DLG2: variants seen among roughly 807,000 people sequenced by gnomAD.
The protein encoded by DLG2 is discs large MAGUK scaffold protein 2.
In DLG2, 45 loss-of-function variants were observed where a neutral mutation model predicts 132.5. That is an observed-to-expected ratio of 0.34 (90% CI 0.27 to 0.44). DLG2 has a LOEUF of 0.44. Among genes scored for constraint, DLG2 ranks in the 20% least tolerant of loss-of-function variants. The pLI is 1.00. For missense variants in DLG2, 1,045 were observed against 1,196.9 expected (o/e 0.87, Z 1.87); for synonymous variants, 424 against 419.6 (o/e 1.01, Z -0.13).
chr11:85,050,456 C>G (rs557791683), intron 6 of DLG2, among the ~76,000 whole-genome samples: 1 of 152,220 alleles, frequency 6.6e-6, no homozygotes, highest in African/African-American at 2.4e-5. Flanking sequence ...AATATCACCT[C>G]CAGCTTGAAG....
chr11:85,052,202 A>G (rs2062969754), intron 6 of DLG2, among the ~76,000 whole-genome samples: 1 of 152,172 alleles, frequency 6.6e-6, no homozygotes, highest in Non-Finnish European at 1.5e-5. Flanking sequence ...GAAGGTTCCT[A>G]GGTGACAAAA....
intron 4 of DLG2, among the ~76,000 whole-genome samples, chr11:85,238,221 A>G (rs1159397472): frequency 7.3e-6 from 1 of 136,598 alleles, no homozygotes; most frequent in African/African-American, 2.8e-5. Flanking sequence ...TTATTTATTT[A>G]TTTATTTATT....
chr11:85,069,869 C>T (rs2065533185), intron 6 of DLG2, among the ~76,000 whole-genome samples: 1 of 152,058 alleles, frequency 6.6e-6, no homozygotes, highest in African/African-American at 2.4e-5. Context: ...TTTATTGTGG[C>T]ACTATTCACA....
At chr11:83,561,883 C>CTTTTTTTTTTTT (rs66514406) in intron 19 of DLG2, among the ~76,000 whole-genome samples, 1 of 87,966 alleles carries the variant, frequency 1.1e-5, no homozygotes, top group African/African-American at 4.6e-5. Context: ...GTATTTCTTT[C>CTTTTTTTTTTTT]TTTTTTTTTT....
chr11:83,568,450 A>G (rs2096744797), intron 19 of DLG2, among the ~76,000 whole-genome samples: 1 of 152,156 alleles, frequency 6.6e-6, no homozygotes, highest in South Asian at 2.1e-4. Context: ...GGAGCTCAGG[A>G]GAGAGATTTG....
At chr11:84,998,363 A>T (rs771787546) in intron 6 of DLG2, among the ~76,000 whole-genome samples, 6 of 152,066 alleles carry the variant, frequency 3.9e-5, no homozygotes, top group Non-Finnish European at 8.8e-5. Context: ...ATTTGCATTC[A>T]TTCTCTCTCC....
chr11:85,431,042 T>C (rs986196590), intron 3 of DLG2, among the ~76,000 whole-genome samples: 3 of 151,150 alleles, frequency 2.0e-5, no homozygotes, highest in Admixed American at 6.6e-5. Context: ...AATTTTTTAG[T>C]TTTTTTTATT....
chr11:84,703,338 G>A (rs1029334458), intron 6 of DLG2, among the ~76,000 whole-genome samples: 5 of 151,664 alleles, frequency 3.3e-5, no homozygotes, highest in Middle Eastern at 3.4e-3. Context: ...AGAAAACCCT[G>A]AGACCCTGAC....
At chr11:84,906,940 G>A (rs2091584254) in intron 6 of DLG2, among the ~76,000 whole-genome samples, 1 of 152,110 alleles carries the variant, frequency 6.6e-6, no homozygotes, top group South Asian at 2.1e-4. Flanking sequence ...TCAATTTTCT[G>A]GGGAAATGGA....
At chr11:83,775,876 A>G (rs1367867698) in intron 18 of DLG2, among the ~76,000 whole-genome samples, 2 of 152,156 alleles carry the variant, frequency 1.3e-5, no homozygotes, top group African/African-American at 2.4e-5. Flanking sequence ...GCGGATCACA[A>G]GATCAGGAGA....
chr11:83,549,198 T>A (rs2096319036), intron 19 of DLG2, among the ~76,000 whole-genome samples: 1 of 152,106 alleles, frequency 6.6e-6, no homozygotes, highest in Non-Finnish European at 1.5e-5. Flanking sequence ...TAAAGTCTGC[T>A]CTCTGCTCCA....
intron 10 of DLG2, among the ~76,000 whole-genome samples, chr11:84,097,238 A>G (rs558771611): frequency 4.1e-4 from 62 of 152,298 alleles, no homozygotes; most frequent in African/African-American, 1.4e-3. Context: ...CTTTGACCTT[A>G]GGCTTTTTAT....
intron 3 of DLG2, among the ~76,000 whole-genome samples, chr11:85,413,189 G>C (rs559793159): frequency 6.6e-6 from 1 of 152,002 alleles, no homozygotes; most frequent in African/African-American, 2.4e-5. Context: ...GTGTATGTTT[G>C]TTGGCCATTT....
At chr11:84,083,755 T>TAAGA (rs1171163859) in intron 10 of DLG2, among the ~76,000 whole-genome samples, 1 of 152,224 alleles carries the variant, frequency 6.6e-6, no homozygotes, top group African/African-American at 2.4e-5. Context: ...ACCATGAGCC[T>TAAGA]AAGAAACTTC....
chr11:85,600,475 G>A (rs2080076917), intron 2 of DLG2, among the ~76,000 whole-genome samples: 1 of 152,174 alleles, frequency 6.6e-6, no homozygotes, highest in African/African-American at 2.4e-5. Context: ...ACACGCACAT[G>A]AGTTTGTTAT....
intron 4 of DLG2, among the ~76,000 whole-genome samples, chr11:85,172,015 G>C (rs987129329): frequency 1.3e-5 from 2 of 152,226 alleles, no homozygotes; most frequent in African/African-American, 4.8e-5. Flanking sequence ...AGCTGGCTTA[G>C]ATGTTCCAGC....
At chr11:84,673,618 T>A (rs1312309630) in intron 6 of DLG2, among the ~76,000 whole-genome samples, 15 of 141,644 alleles carry the variant, frequency 1.1e-4, no homozygotes, top group Non-Finnish European at 2.0e-4. Context: ...AAAAAAAAAA[T>A]TAAAATAAAT....
At chr11:84,534,837 T>A in intron 6 of DLG2, 106 bp from the exon 7 acceptor site, 1 of 1,301,952 alleles carries the variant, frequency 7.7e-7, no homozygotes, top group Non-Finnish European at 1.1e-6. Context: ...AGTGTGCACC[T>A]ACTGTTGACT....
At position 83,466,828 on chromosome 11, in the gene DLG2, G is replaced by A. The variant is rs746822404; in HGVS notation, c.2620-11C>T. On this transcript the variant is annotated splice_polypyrimidine_tract_variant and intron_variant, in intron 25 of 27. Coordinates refer to ENST00000376104, the MANE Select transcript of DLG2 (RefSeq NM_001142699.3). The stretch of plus-strand genomic sequence containing the variant: ...TATACAGTGTTTGCCCTGGTAGAAA[G>A]AGAAGAAAAATATGAAGTTAATATA... The A allele has an allele frequency of 1.9e-6, 3 of 1,578,470 alleles. No homozygotes were observed. Among genetic ancestry groups the A allele is most frequent in the Admixed American group, 3.3e-5 (2 of 59,914 alleles).
Sources: gnomAD v4.1 joint callset for allele counts (sites outside exome capture counted in the v4.1 genomes callset) on GRCh38, gnomAD v4.1.1 for gene constraint, MANE v1.5 for transcripts, NCBI Gene and HGNC (gene_info 2026-07-23, HGNC 2026-07-21) for gene names.